The following DNAJC6 variants were observed in gnomAD, a reference collection of about 807,000 sequenced individuals.
The protein encoded by DNAJC6 is auxilin.
In DNAJC6, 34 loss-of-function variants were observed where a neutral mutation model predicts 110.0. The observed-to-expected ratio is 0.31, with a 90% CI of 0.24 to 0.41. DNAJC6 has a LOEUF of 0.41. DNAJC6 is among the 10% of genes least tolerant of loss of function. The probability of loss-of-function intolerance (pLI) is 1.00; values close to 1 mark genes in which losing one functional copy is unlikely to be tolerated. For synonymous variants in DNAJC6, 406 were observed against 437.2 expected, an observed-to-expected ratio of 0.93 and a Z score of 0.89; for missense variants, 1,031 against 1,207.8, an observed-to-expected ratio of 0.85 and a Z score of 2.17.
chr1:65,378,521 T>C (rs1645788695), intron 4 of DNAJC6, among the ~76,000 whole-genome samples: 1 of 152,252 alleles, frequency 6.6e-6, no homozygotes, highest in South Asian at 2.1e-4. Flanking sequence ...TCACCACATT[T>C]TATGAAGAAA....
intron 15 of DNAJC6, among the ~76,000 whole-genome samples, chr1:65,403,136 A>G (rs1332468474): frequency 6.6e-6 from 1 of 152,250 alleles, no homozygotes; most frequent in African/African-American, 2.4e-5. Flanking sequence ...TGAAAACAAT[A>G]AAAATAACAG....
intron 1 of DNAJC6, among the ~76,000 whole-genome samples, chr1:65,355,882 CT>C (rs372078909): frequency 1.1e-3 from 91 of 82,846 alleles, no homozygotes; most frequent in South Asian, 7.3e-3. Context: ...AACAGCATGG[CT>C]TTTTTTTTTT....
chr1:65,385,547 C>G (rs1330109964), intron 6 of DNAJC6, among the ~76,000 whole-genome samples, 165 bp from the exon 7 acceptor site: 1 of 152,126 alleles, frequency 6.6e-6, no homozygotes, highest in Non-Finnish European at 1.5e-5. Flanking sequence ...AAAATGTTTC[C>G]TAAATTATTG....
intron 1 of DNAJC6, among the ~76,000 whole-genome samples, chr1:65,320,710 A>G (rs1645190284): frequency 6.6e-6 from 1 of 152,176 alleles, no homozygotes; most frequent in African/African-American, 2.4e-5. Context: ...GAGTTTGATT[A>G]TAGTGCATGA....
At chr1:65,358,185 A>T (rs1456577212) in intron 1 of DNAJC6, among the ~76,000 whole-genome samples, 4 of 151,516 alleles carry the variant, frequency 2.6e-5, no homozygotes, top group African/African-American at 9.7e-5. Context: ...TCTCAAAAAA[A>T]AAAAAAAAAA....
At chr1:65,328,203 CAA>C (rs1198502780) in intron 1 of DNAJC6, among the ~76,000 whole-genome samples, 24 of 152,082 alleles carry the variant, frequency 1.6e-4, no homozygotes, top group African/African-American at 5.8e-4. Flanking sequence ...TATTACAAAA[CAA>C]TATTTGGGTA....
chr1:65,307,016 CTCTATATA>C (rs1173683804), upstream of DNAJC6, among the ~76,000 whole-genome samples: 432 of 73,622 alleles, frequency 5.9e-3, no homozygotes, highest in Middle Eastern at 8.9e-3. Flanking sequence ...CTCTCTCTCT[CTCTATATA>C]TATATATATA....
At chr1:65,343,607 T>A (rs781563786) in intron 1 of DNAJC6, among the ~76,000 whole-genome samples, 6 of 152,128 alleles carry the variant, frequency 3.9e-5, no homozygotes, top group Non-Finnish European at 8.8e-5. Context: ...ATTGCAGTGC[T>A]TGTGTTCAAG....
chr1:65,302,118 A>ACG (rs1204528510), intron 1 of DNAJC6, among the ~76,000 whole-genome samples: 1 of 17,414 alleles, frequency 5.7e-5, no homozygotes, highest in African/African-American at 3.9e-4. Flanking sequence ...ATATATATAT[A>ACG]TATATAAAAA....
intron 4 of DNAJC6, among the ~76,000 whole-genome samples, chr1:65,369,903 T>C (rs545959289): frequency 1.6e-3 from 241 of 152,308 alleles, no homozygotes; most frequent in African/African-American, 5.5e-3. Context: ...TCACAGAATG[T>C]TAAAATAGGA....
Position 65,385,652 on chromosome 1 carries a change from T to A in DNAJC6, c.801-60T>A, listed in dbSNP as rs375213481. 1.5e-5 allele frequency: 21 copies of A among 1,359,780 alleles called. No individual in the cohort carries two copies. The African/African-American group carries it at 2.2e-4, about 14-fold the overall frequency. 84.2% of individuals were successfully genotyped at this position (1,359,780 alleles called of 1,614,324 possible). ...GCAAGAAGAATCTTCATAGCAAATA[T>A]TGATTGCTTGCTTCTCCTGATGTGA... On this transcript the variant is annotated intron_variant, in intron 6 of 18. Coordinates refer to ENST00000371069, the MANE Select transcript of DNAJC6 (RefSeq NM_001256864.2).
Position 65,392,754 on chromosome 1 carries a change from C to T in DNAJC6, c.1792C>T (p.Gln598Ter). The stretch of plus-strand genomic sequence containing the variant: ...TGCAGCTGGTCCCACCCAGGCTGGA[C>T]AGTCAGGAGTGGAAGATGTGTTTCA... ...GGAAGPTQAG[Q>*]SGVEDVFHPS... The change falls in exon 12 of 19, where the codon CAG (glutamine) becomes TAG (stop). Residue 598 changes from glutamine (Q) to a stop codon, truncating the protein, a stop_gained. Transcript: ENST00000371069. LOFTEE classifies it high-confidence loss of function. 6.2e-7 allele frequency: 1 copy of T among 1,612,766 alleles called. No individual in the cohort carries two copies. Among genetic ancestry groups the T allele is most frequent in the African/African-American group, 1.3e-5 (1 of 75,006 alleles).
intron 1 of DNAJC6, among the ~76,000 whole-genome samples, chr1:65,318,578 T>TA (rs1645168782): frequency 6.6e-6 from 1 of 152,218 alleles, no homozygotes; most frequent in African/African-American, 2.4e-5. Flanking sequence ...TGGAAGCTGT[T>TA]ATCCTCAGCA....
chr1:65,390,846 G>A (rs1193812458), intron 11 of DNAJC6, among the ~76,000 whole-genome samples: 1 of 152,128 alleles, frequency 6.6e-6, no homozygotes, highest in Non-Finnish European at 1.5e-5. Flanking sequence ...GTGGTATCTG[G>A]ACAGTAGGTA....
At chr1:65,355,987 A>G (rs1023391392) in intron 1 of DNAJC6, among the ~76,000 whole-genome samples, 1 of 135,208 alleles carries the variant, frequency 7.4e-6, no homozygotes, top group African/African-American at 2.8e-5. Context: ...TAATATTTCT[A>G]TTCTACAGAT....
chr1:65,369,867 A>AT (rs1645688920), intron 4 of DNAJC6, among the ~76,000 whole-genome samples: 1 of 152,062 alleles, frequency 6.6e-6, no homozygotes, highest in South Asian at 2.1e-4. Flanking sequence ...TGTTTTCCTG[A>AT]TTTTTCTATT....
At chr1:65,266,149 T>G (rs1653320681) in intron 1 of DNAJC6, among the ~76,000 whole-genome samples, 1 of 152,228 alleles carries the variant, frequency 6.6e-6, no homozygotes, top group Non-Finnish European at 1.5e-5. Context: ...CCCAAAGCTC[T>G]CTGCGCGCAG....
upstream of DNAJC6, among the ~76,000 whole-genome samples, chr1:65,307,725 A>C (rs1645058049): frequency 6.6e-6 from 1 of 152,218 alleles, no homozygotes; most frequent in Admixed American, 6.5e-5. Context: ...GAAAAGATTT[A>C]CTAGACTTCA....
intron 15 of DNAJC6, among the ~76,000 whole-genome samples, chr1:65,402,853 C>G (rs1463181113): frequency 6.6e-6 from 1 of 152,138 alleles, no homozygotes; most frequent in South Asian, 2.1e-4. Flanking sequence ...TCTTCTCCAC[C>G]TTTCTTTGTA....
Sources: allele counts gnomAD v4.1 joint callset (sites outside exome capture counted in the v4.1 genomes callset), GRCh38; gene constraint gnomAD v4.1.1; transcripts MANE v1.5; gene names NCBI Gene and HGNC (gene_info 2026-07-23, HGNC 2026-07-21).